Variants in INTS2 observed in about 807,000 individuals in gnomAD.
INTS2 encodes the protein KIAA1287.
In INTS2, 57 loss-of-function variants were observed where a neutral mutation model predicts 139.6. That is an observed-to-expected ratio of 0.41 (90% CI 0.33 to 0.51). The LOEUF (loss-of-function observed/expected upper bound fraction) is 0.51, where lower values mean the gene tolerates loss of function less well. Among genes scored for constraint, INTS2 ranks in the 20% least tolerant of loss-of-function variants. INTS2 has a pLI of 0.28. For missense variants in INTS2, 1,196 were observed against 1,436.7 expected (o/e 0.83, Z 2.71); for synonymous variants, 473 against 493.4 (o/e 0.96, Z 0.55).
At chr17:61,885,175 G>A (rs2079214852) in intron 15 of INTS2, 170 bp from the exon 16 acceptor site, 2 of 592,590 alleles carry the variant, frequency 3.4e-6, no homozygotes, top group Admixed American at 6.3e-5. Flanking sequence ...TGGCTACACA[G>A]GAAGAACAAG....
chr17:61,921,487 G>A (rs766783701), intron 4 of INTS2: 21 of 265,454 alleles, frequency 7.9e-5, no homozygotes, highest in Non-Finnish European at 1.1e-4. Flanking sequence ...AATCATTAAC[G>A]AGCATTAAAG....
At chr17:61,910,788 T>C (rs1041073275) in intron 7 of INTS2, 2 of 152,086 alleles carry the variant, frequency 1.3e-5, no homozygotes, top group Non-Finnish European at 2.9e-5. Flanking sequence ...ATTTCAGTGA[T>C]CTAATGCACC....
Position 61,872,538 on chromosome 17 carries a change from A to G in INTS2, c.2583-78T>C. On this transcript the variant is annotated intron_variant, in intron 19 of 24. Transcript: ENST00000251334. This position sits in a 1 kb window ranked among gnomAD's most constrained non-coding sequence, Gnocchi z 4.8. ...AAATTAGCCAGAACATGATCAATTT[A>G]GTTTAAATGCTGAGAAAAACCTGAG... 1.0e-6 allele frequency: 1 copy of G among 1,003,148 alleles called. No individual in the cohort carries two copies. The highest frequency in any genetic ancestry group is 1.4e-6 in the Non-Finnish European group (1 of 715,278). 62.1% of individuals were successfully genotyped at this position (1,003,148 alleles called of 1,614,324 possible).
intron 16 of INTS2, among the ~76,000 whole-genome samples, chr17:61,884,555 A>AT (rs956366893): frequency 6.8e-4 from 102 of 148,998 alleles, no homozygotes; most frequent in African/African-American, 1.4e-3. Flanking sequence ...AGTTAAAAAA[A>AT]TTTTTTTTTT....
chr17:61,874,956 T>C lies in INTS2; in HGVS notation c.2539A>G (p.Ile847Val), dbSNP rs115671524. Residue 847 changes from isoleucine to valine, a missense_variant, in exon 19 of 25, where the codon ATA becomes GTA. Coordinates refer to ENST00000251334, the MANE Select transcript of INTS2 (RefSeq NM_001351695.2). ...QQKYTQNDLMIDPLIVLRCDQ... is the reference protein window; with the variant it reads ...QQKYTQNDLMVDPLIVLRCDQ... ...CACCTTAGGACAATGAGAGGATCTA[T>C]CATCAGGTCATTCTGAGTATACTTT... 4 of 1,598,328 alleles carry C rather than the reference T, an allele frequency of 2.5e-6. No homozygotes were observed. The highest frequency in any genetic ancestry group is 4.5e-5 in the East Asian group (2 of 44,504).
chr17:61,905,309 T>C (rs931309577), intron 8 of INTS2, among the ~76,000 whole-genome samples: 4 of 152,042 alleles, frequency 2.6e-5, no homozygotes, highest in Non-Finnish European at 4.4e-5. Flanking sequence ...ATTAGAAACA[T>C]TGGGAATTAA....
intron 7 of INTS2, chr17:61,910,212 T>G (rs923072396): frequency 1.3e-5 from 2 of 152,086 alleles, no homozygotes; most frequent in Admixed American, 6.5e-5. Context: ...GACAGAAAGT[T>G]GAATAGAGGT....
At position 61,872,008 on chromosome 17, in the gene INTS2, T is replaced by G. The variant is rs2079092678; in HGVS notation, c.2778+257A>C. 6.4e-6 allele frequency: 2 copies of G among 312,698 alleles called. No individual in the cohort carries two copies. Among genetic ancestry groups the G allele is most frequent in the Non-Finnish European group, 5.8e-6 (1 of 173,758 alleles). The allele number at this position is 312,698 out of a possible 1,614,324, so 19.4% of individuals were successfully genotyped here. On this transcript the variant is annotated intron_variant, in intron 20 of 24. Transcript: ENST00000251334. The surrounding 1 kb of genome is among the most constrained non-coding windows in gnomAD (Gnocchi z 4.8). ...TCTAAACTCAGAATAGGTAAACACTTAAATTTTATTAAAATATAAATCTTA... is the reference window on the plus strand; with the variant it reads ...TCTAAACTCAGAATAGGTAAACACTGAAATTTTATTAAAATATAAATCTTA...
intron 11 of INTS2, 71 bp from the exon 12 acceptor site, chr17:61,895,454 C>T: frequency 1.2e-6 from 1 of 853,756 alleles, no homozygotes; most frequent in Non-Finnish European, 1.8e-6. Flanking sequence ...GGGAACTTAT[C>T]TAAAATGGCT....
intron 12 of INTS2, among the ~76,000 whole-genome samples, chr17:61,894,939 G>A (rs565264291): frequency 3.9e-5 from 6 of 152,084 alleles, no homozygotes; most frequent in Non-Finnish European, 7.3e-5. Context: ...TTAGACTCTA[G>A]CCTGTAATCT....
rs1434557021 is a variant in INTS2, at chr17:61,868,833, C to T, written c.3244+201G>A. On this transcript the variant is annotated intron_variant, in intron 23 of 24. Transcript: ENST00000251334. This position sits in a 1 kb window ranked among gnomAD's most constrained non-coding sequence, Gnocchi z 4.7. ...CAATTTGCCTACCTATTCATTCCCA[C>T]TACACTATAAATCACATTTGTAAAC... Among the ~76,000 whole-genome samples the T allele has an allele frequency of 1.3e-5, 2 of 152,136 alleles. No homozygotes were observed. Among genetic ancestry groups the T allele is most frequent in the Non-Finnish European group, 2.9e-5 (2 of 68,002 alleles).
intron 7 of INTS2, 144 bp from the exon 8 acceptor site, chr17:61,907,778 C>A: frequency 1.6e-6 from 1 of 638,120 alleles, no homozygotes; most frequent in Non-Finnish European, 2.7e-6. Flanking sequence ...TCATTTTAAC[C>A]AATCAAGCAA....
chr17:61,906,772 G>A lies in INTS2; in HGVS notation c.1181+636C>T, dbSNP rs149904115. ...GGCTGAGGCAGGCAGAACACCTGAG[G>A]TAAGGAGTTCAAGACAAGCCTGGCC... On this transcript the variant is annotated intron_variant, in intron 8 of 24. Coordinates refer to ENST00000251334, the MANE Select transcript of INTS2 (RefSeq NM_001351695.2). Among the ~76,000 whole-genome samples, 158 of 150,598 alleles carry A rather than the reference G, an allele frequency of 1.0e-3. 1 individual carries two copies. The highest frequency in any genetic ancestry group is 3.7e-3 in the African/African-American group (151 of 40,948).
intron 7 of INTS2, 31 bp downstream of exon 7, chr17:61,911,489 T>A: frequency 6.3e-7 from 1 of 1,590,596 alleles, no homozygotes; most frequent in Non-Finnish European, 8.6e-7. Flanking sequence ...AGTATTCTGA[T>A]CCTTAGCCTA....
chr17:61,885,653 CAG>C (rs1310099684), intron 15 of INTS2, among the ~76,000 whole-genome samples: 9 of 151,490 alleles, frequency 5.9e-5, no homozygotes, highest in African/African-American at 2.2e-4. Context: ...TTCCTGAACT[CAG>C]GGGGATCTAG....
chr17:61,885,064 C>T, intron 15 of INTS2, 59 bp from the exon 16 acceptor site: 1 of 1,157,752 alleles, frequency 8.6e-7, no homozygotes. Context: ...GAAATCTTAA[C>T]CTTCAACCCA....
At chr17:61,927,469 G>T in intron 1 of INTS2, 185 bp downstream of exon 1, 1 of 190,568 alleles carries the variant, frequency 5.2e-6, no homozygotes, top group Non-Finnish European at 1.0e-5. Context: ...TTTGCTTTCA[G>T]GGAGGGGCTG....
intron 3 of INTS2, among the ~76,000 whole-genome samples, chr17:61,924,743 C>T (rs944989130): frequency 1.3e-5 from 2 of 151,968 alleles, no homozygotes; most frequent in Admixed American, 6.6e-5. Flanking sequence ...GCAGGAGAAC[C>T]GTTTGAATCT....
chr17:61,903,220 A>ATT (rs61007688), intron 9 of INTS2, among the ~76,000 whole-genome samples: 9 of 141,062 alleles, frequency 6.4e-5, no homozygotes, highest in East Asian at 4.3e-4. Flanking sequence ...TTTCTTTTTA[A>ATT]TTTTTTTTTT....
Sources: gnomAD v4.1 joint callset for allele counts (sites outside exome capture counted in the v4.1 genomes callset) on GRCh38, gnomAD v4.1.1 for gene constraint, Gnocchi (gnomAD v3.1) non-coding constraint, MANE v1.5 for transcripts, NCBI Gene and HGNC (gene_info 2026-07-23, HGNC 2026-07-21) for gene names.